Variants in TMEM245 observed in about 807,000 individuals in gnomAD.
TMEM245 encodes protein CG-2.
A neutral mutation model predicts 101.2 loss-of-function variants in TMEM245; 69 were observed. The ratio of observed to expected loss-of-function variants is 0.68; its 90% CI spans 0.56 to 0.83. The LOEUF is 0.83. Among genes scored for constraint, TMEM245 ranks in the 40% least tolerant of loss-of-function variants. TMEM245 has a pLI of 0.00. For synonymous variants in TMEM245, 537 were observed against 449.8 expected (o/e 1.19, Z -2.45); for missense variants, 1,075 against 1,092.8 (o/e 0.98, Z 0.23).
chr9:109,016,954 T>C lies in TMEM245; in HGVS notation c.*3506A>G, dbSNP rs1416763027. The C allele has an allele frequency of 6.6e-6, 1 of 152,088 alleles. No individual in the cohort carries two copies. The highest frequency in any genetic ancestry group is 2.4e-5 in the African/African-American group (1 of 41,396). The allele number at this position is 152,088 out of a possible 1,614,324, so 9.4% of individuals were successfully genotyped here. ...TTTTGTATTTTGTTTTTTTTTCCTATAAACCCTGAGGTTGAAAGCTCTGGA... is the reference window on the plus strand; with the variant it reads ...TTTTGTATTTTGTTTTTTTTTCCTACAAACCCTGAGGTTGAAAGCTCTGGA... On this transcript the variant is annotated 3_prime_UTR_variant, in exon 18 of 18. Transcript: ENST00000374586.
intron 16 of TMEM245, 152 bp downstream of exon 16, chr9:109,036,054 T>C: frequency 8.3e-6 from 4 of 480,484 alleles, no homozygotes; most frequent in Non-Finnish European, 1.3e-5. Flanking sequence ...TCAATGAAAA[T>C]TTCATTTGTG....
intron 16 of TMEM245, among the ~76,000 whole-genome samples, chr9:109,034,174 C>G (rs956744391): frequency 2.6e-5 from 4 of 152,162 alleles, no homozygotes; most frequent in African/African-American, 9.7e-5. Flanking sequence ...CCACTGACAT[C>G]AGAAGGACTG....
intron 15 of TMEM245, among the ~76,000 whole-genome samples, chr9:109,037,128 T>C (rs2132327638): frequency 6.6e-6 from 1 of 152,002 alleles, no homozygotes; most frequent in Admixed American, 6.5e-5. Context: ...GGCAGAGATA[T>C]TTAGGAAAAC....
chr9:109,021,620 T>A (rs1827625915), intron 17 of TMEM245, among the ~76,000 whole-genome samples: 1 of 152,112 alleles, frequency 6.6e-6, no homozygotes, highest in Non-Finnish European at 1.5e-5. Context: ...GCTCAAGCCA[T>A]CCTCCCACCT....
At chr9:109,094,144 T>C (rs1157435536) in intron 3 of TMEM245, among the ~76,000 whole-genome samples, 1 of 152,226 alleles carries the variant, frequency 6.6e-6, no homozygotes, top group East Asian at 1.9e-4. Context: ...ATGACGTTGT[T>C]TCACATTATA....
At chr9:109,058,126 G>T (rs568137154) in intron 11 of TMEM245, among the ~76,000 whole-genome samples, 1 of 149,802 alleles carries the variant, frequency 6.7e-6, no homozygotes, top group Non-Finnish European at 1.5e-5. Flanking sequence ...TCAGCCTCCC[G>T]AGTAGCTGTG....
At chr9:109,089,606 A>G (rs1588066364) in intron 5 of TMEM245, among the ~76,000 whole-genome samples, 2 of 152,226 alleles carry the variant, frequency 1.3e-5, no homozygotes, top group South Asian at 2.1e-4. Context: ...TATGGCTGCC[A>G]TAAGAAGAGA....
rs534495137 is a variant in TMEM245 at position 109,061,574 on chromosome 9, T to C, written c.1624-1122A>G. Among the ~76,000 whole-genome samples the C allele has an allele frequency of 4.6e-5, 7 of 152,238 alleles. No homozygotes were observed. The South Asian group carries it at 1.5e-3, about 32-fold the overall frequency. On this transcript the variant is annotated intron_variant, in intron 10 of 17. Transcript: ENST00000374586. ...ACTCTAAGGATATACAATAAATCCT[T>C]CTTTTTTTTTGAGATAGAGTCTTGC...
chr9:109,105,726 T>C (rs1452906886), intron 3 of TMEM245, among the ~76,000 whole-genome samples: 1 of 152,080 alleles, frequency 6.6e-6, no homozygotes, highest in Non-Finnish European at 1.5e-5. Flanking sequence ...GAAAATGTCT[T>C]GGAACTAGAT....
intron 14 of TMEM245, among the ~76,000 whole-genome samples, chr9:109,043,333 T>G (rs1280548328): frequency 5.3e-5 from 8 of 152,230 alleles, no homozygotes; most frequent in African/African-American, 1.9e-4. Context: ...TTGTGCTGTG[T>G]GATCCATGGT....
chr9:109,110,036 T>C (rs1033945872), intron 1 of TMEM245, among the ~76,000 whole-genome samples: 2 of 152,142 alleles, frequency 1.3e-5, no homozygotes, highest in African/African-American at 4.8e-5. Flanking sequence ...AAAAAGGACA[T>C]TAAAATATTT....
chr9:109,099,404 C>T (rs566347496), intron 3 of TMEM245, among the ~76,000 whole-genome samples: 1 of 152,310 alleles, frequency 6.6e-6, no homozygotes, highest in East Asian at 1.9e-4. Context: ...CAGGATTCAT[C>T]TCTGCAAAGA....
At chr9:109,079,867 A>G (rs1247262434) in intron 8 of TMEM245, among the ~76,000 whole-genome samples, 3 of 152,152 alleles carry the variant, frequency 2.0e-5, no homozygotes, top group Non-Finnish European at 4.4e-5. Flanking sequence ...AAGCCTCTAA[A>G]TAAGTCTGCA....
Position 109,036,309 on chromosome 9 carries a change from G to A in TMEM245, c.2296C>T (p.Leu766=), listed in dbSNP as rs761546154. Reference sequence around the variant, plus strand: ...CATCCTAACCCTTGTGTCAGCCACAGGTCAAGAACTGCAGGTACTGCTGCC... The same window carrying A: ...CATCCTAACCCTTGTGTCAGCCACAAGTCAAGAACTGCAGGTACTGCTGCC... ...YWAAVPAVLD[L]WLTQGLGCKA... is the part of the protein sequence containing the mutation. The change falls in exon 16 of 18, where the codon CTG becomes TTG. Residue 766 remains leucine, a synonymous_variant. Coordinates refer to ENST00000374586, the MANE Select transcript of TMEM245 (RefSeq NM_032012.4). 10 of 1,613,924 alleles carry A rather than the reference G, an allele frequency of 6.2e-6. No individual in the cohort carries two copies. Among genetic ancestry groups the A allele is most frequent in the Non-Finnish European group, 6.8e-6 (8 of 1,179,980 alleles).
At chr9:109,118,144 T>C (rs563859290) in intron 1 of TMEM245, among the ~76,000 whole-genome samples, 7 of 152,342 alleles carry the variant, frequency 4.6e-5, no homozygotes, top group African/African-American at 1.7e-4. Flanking sequence ...TGTATCTTAG[T>C]CCTTTTTTAA....
Position 109,038,016 on chromosome 9 carries a change from C to A in TMEM245, c.2224+1G>T. On this transcript the variant is annotated splice_donor_variant, in intron 15 of 17. Coordinates refer to ENST00000374586, the MANE Select transcript of TMEM245 (RefSeq NM_032012.4). LOFTEE classifies it high-confidence loss of function. ...AGTGGAAGGTACAATATGGTTGTTACCTGATGGTATGAAGACAATATTGAT... is the reference window on the plus strand; with the variant it reads ...AGTGGAAGGTACAATATGGTTGTTAACTGATGGTATGAAGACAATATTGAT... 1 of 1,604,722 alleles carries A rather than the reference C, an allele frequency of 6.2e-7. No homozygotes were observed. Among genetic ancestry groups the A allele is most frequent in the Non-Finnish European group, 8.5e-7 (1 of 1,174,672 alleles).
intron 5 of TMEM245, among the ~76,000 whole-genome samples, chr9:109,089,320 A>G (rs1235842892): frequency 6.6e-6 from 1 of 152,220 alleles, no homozygotes; most frequent in East Asian, 1.9e-4. Flanking sequence ...TGCTCTGGTC[A>G]TAATAAATGT....
At chr9:109,107,077 A>C (rs529917443) in intron 2 of TMEM245, among the ~76,000 whole-genome samples, 6 of 152,046 alleles carry the variant, frequency 3.9e-5, no homozygotes, top group Non-Finnish European at 7.4e-5. Flanking sequence ...TCTCCTCCTC[A>C]GTGTATAATG....
chr9:109,046,221 A>T (rs1588031167), intron 14 of TMEM245: 1 of 534,558 alleles, frequency 1.9e-6, no homozygotes, highest in East Asian at 5.5e-5. Context: ...GTGTGCATGC[A>T]CTCATGTGAA....
Sources: allele counts gnomAD v4.1 joint callset (sites outside exome capture counted in the v4.1 genomes callset), GRCh38; gene constraint gnomAD v4.1.1; transcripts MANE v1.5; gene names NCBI Gene and HGNC (gene_info 2026-07-23, HGNC 2026-07-21).